ZCWPW1: variants seen among roughly 807,000 people sequenced by gnomAD.
ZCWPW1 encodes zinc finger CW-type and PWWP domain containing 1.
In ZCWPW1, 56 loss-of-function variants were observed where a neutral mutation model predicts 81.3. That is an observed-to-expected ratio of 0.69 (90% CI 0.56 to 0.86). The LOEUF is 0.86. Ranked by LOEUF, ZCWPW1 falls within the 40% of genes least tolerant of loss-of-function variation. ZCWPW1 has a pLI of 0.00. For synonymous variants in ZCWPW1, 250 were observed against 273.7 expected (o/e 0.91, Z 0.86); for missense variants, 650 against 769.8 (o/e 0.84, Z 1.84).
At chr7:100,426,365 G>A (rs552276840) in intron 1 of ZCWPW1, among the ~76,000 whole-genome samples, 3 of 151,958 alleles carry the variant, frequency 2.0e-5, no homozygotes, top group East Asian at 1.9e-4. Flanking sequence ...GGTGGCAGGC[G>A]CCTGTAATCT....
chr7:100,401,881 A>T lies in ZCWPW1; in HGVS notation c.1627+8T>A, dbSNP rs750883641. 1.2e-6 allele frequency: 2 copies of T among 1,607,384 alleles called. No homozygotes were observed. Among genetic ancestry groups the T allele is most frequent in the South Asian group, 2.2e-5 (2 of 90,124 alleles). ...TCCCCTTAGTTTTTCCCAGGCCTTG[A>T]GCCTTACCTGGCTGGTCAGAATCTG... On this transcript the variant is annotated splice_region_variant and intron_variant, in intron 17 of 17. Coordinates refer to ENST00000684423, the MANE Select transcript of ZCWPW1 (RefSeq NM_001386010.1).
chr7:100,417,222 A>AAT, intron 5 of ZCWPW1, 39 bp from the exon 6 acceptor site: 4 of 1,548,980 alleles, frequency 2.6e-6, no homozygotes, highest in Non-Finnish European at 1.8e-6. Context: ...AAGCAAAAAA[A>AAT]CGAAAAAGCC....
chr7:100,427,484 A>C (rs1797851373), intron 1 of ZCWPW1, among the ~76,000 whole-genome samples: 1 of 150,516 alleles, frequency 6.6e-6, no homozygotes, highest in Non-Finnish European at 1.5e-5. Context: ...CGGATCACCT[A>C]AGGTCAGGAG....
intron 5 of ZCWPW1, among the ~76,000 whole-genome samples, chr7:100,417,944 G>A (rs1795634509): frequency 6.6e-6 from 1 of 151,816 alleles, no homozygotes; most frequent in Non-Finnish European, 1.5e-5. Context: ...GAGTGAGGTG[G>A]CGAAATCTCG....
chr7:100,414,056 CTTTT>C (rs952744253), intron 8 of ZCWPW1, among the ~76,000 whole-genome samples: 2 of 152,174 alleles, frequency 1.3e-5, no homozygotes, highest in African/African-American at 4.8e-5. Context: ...TTTTAGTTTC[CTTTT>C]TGACTCTACC....
intron 10 of ZCWPW1, among the ~76,000 whole-genome samples, chr7:100,407,890 C>T (rs1793388786): frequency 1.3e-5 from 2 of 152,174 alleles, no homozygotes; most frequent in Non-Finnish European, 2.9e-5. Flanking sequence ...CTAGAGACAT[C>T]TCCAAAGAAG....
At chr7:100,428,257 A>G (rs1293733237) in intron 1 of ZCWPW1, among the ~76,000 whole-genome samples, 2 of 152,136 alleles carry the variant, frequency 1.3e-5, no homozygotes, top group African/African-American at 4.8e-5. Context: ...CCACCAAGAA[A>G]AGGCACGAGG....
intron 3 of ZCWPW1, 78 bp from the exon 4 acceptor site, chr7:100,419,961 C>G: frequency 8.3e-7 from 1 of 1,200,696 alleles, no homozygotes; most frequent in Non-Finnish European, 1.2e-6. Context: ...CTTTGACTAG[C>G]CATAACAGAA....
rs1321185609 is a variant in ZCWPW1, at chr7:100,419,160, A to T, written c.312T>A (p.Phe104Leu). Residue 104 changes from phenylalanine to leucine, a missense_variant, in exon 5 of 18, where the codon TTT (phenylalanine) becomes TTA (leucine). Transcript: ENST00000684423. ...KEKSSLTNAE[F>L]EEIVQIVLQK... ...GCAGAACAATCTGGACAATCTCCTCAAATTCTGCATTGGTAAGACTTGATT... is the reference window on the plus strand; with the variant it reads ...GCAGAACAATCTGGACAATCTCCTCTAATTCTGCATTGGTAAGACTTGATT... 1 of 1,613,188 alleles carries T rather than the reference A, an allele frequency of 6.2e-7. No homozygotes were observed. Among genetic ancestry groups the T allele is most frequent in the East Asian group, 2.2e-5 (1 of 44,776 alleles).
At chr7:100,406,881 G>A (rs769918256) in intron 11 of ZCWPW1, 83 bp from the exon 12 acceptor site, 31 of 1,265,902 alleles carry the variant, frequency 2.4e-5, no homozygotes, top group Non-Finnish European at 3.3e-5. Flanking sequence ...GGGAGAATGG[G>A]AATTCACCCA....
intron 2 of ZCWPW1, among the ~76,000 whole-genome samples, chr7:100,423,126 A>AT (rs1220745472): frequency 6.6e-6 from 1 of 152,192 alleles, no homozygotes; most frequent in Non-Finnish European, 1.5e-5. Flanking sequence ...CTTTCTACAG[A>AT]TAAAAAAAAT....
In ZCWPW1 at chr7:100,422,496, C is replaced by A. The variant is rs76923525; in HGVS notation, c.-29-1818G>T. 7.8e-4 allele frequency among the ~76,000 whole-genome samples: 119 copies of A among 152,288 alleles called. 1 individual carries two copies. The highest frequency in any genetic ancestry group is 2.7e-3 in the African/African-American group (114 of 41,546). On this transcript the variant is annotated intron_variant, in intron 2 of 17. Coordinates refer to ENST00000684423, the MANE Select transcript of ZCWPW1 (RefSeq NM_001386010.1). ...CCACCAGTGTGCCAAGACTCATCTGCGAACATTCCAGTATTTTTATTTTCC... is the reference window on the plus strand; with the variant it reads ...CCACCAGTGTGCCAAGACTCATCTGAGAACATTCCAGTATTTTTATTTTCC...
chr7:100,419,301 CATG>C, intron 4 of ZCWPW1, 112 bp from the exon 5 acceptor site: 1 of 911,092 alleles, frequency 1.1e-6, no homozygotes, highest in East Asian at 2.5e-5. Flanking sequence ...AGACGGAAGG[CATG>C]CAGTCAGCAT....
At chr7:100,410,783 A>G (rs1016837801) in intron 8 of ZCWPW1, among the ~76,000 whole-genome samples, 2 of 152,164 alleles carry the variant, frequency 1.3e-5, no homozygotes, top group Non-Finnish European at 2.9e-5. Context: ...TCACTTGCTC[A>G]AAGACTCCTA....
intron 12 of ZCWPW1, 104 bp from the exon 13 acceptor site, chr7:100,405,197 A>C (rs1465291910): frequency 1.9e-6 from 2 of 1,039,412 alleles, no homozygotes; most frequent in African/African-American, 3.2e-5. Flanking sequence ...TGGGAGGCCG[A>C]GTCAGGTAGA....
rs537494879 is a variant in ZCWPW1, at chr7:100,424,027, G to A, written c.-30+1003C>T. Among the ~76,000 whole-genome samples, 71 of 144,272 alleles carry A rather than the reference G, an allele frequency of 4.9e-4. 1 individual carries two copies. The highest frequency in any genetic ancestry group is 8.5e-4 in the Non-Finnish European group (57 of 67,148). The allele number at this position is 144,272 out of a possible 152,430, so 94.6% of individuals were successfully genotyped here. The stretch of plus-strand genomic sequence containing the variant: ...GGAGGTTGCAGTGAGCCAAGATCGC[G>A]CCATTGCACTCCAGCCTGGGCAACA... On this transcript the variant is annotated intron_variant, in intron 2 of 17. Transcript: ENST00000684423.
At position 100,416,401 on chromosome 7, in the gene ZCWPW1, G is replaced by C; in HGVS notation, c.535C>G (p.Pro179Ala). 6.2e-7 allele frequency: 1 copy of C among 1,614,076 alleles called. No individual in the cohort carries two copies. Among genetic ancestry groups the C allele is most frequent in the South Asian group, 1.1e-5 (1 of 91,078 alleles). The change falls in exon 7 of 18, where the codon CCT becomes GCT. Residue 179 changes from proline to alanine, a missense_variant. By Grantham distance (27) the Pro-to-Ala change is conservative (BLOSUM62 -1). Transcript: ENST00000684423. ...ISVSWEGEAA[P>A]EIRTSKLGQP... ...CCTAACTTAGATGTCCTTATCTCAG[G>C]GGCAGCTTCACCTTCCCAAGACACT...
At chr7:100,415,867 G>A in intron 8 of ZCWPW1, 108 bp downstream of exon 8, 1 of 1,396,884 alleles carries the variant, frequency 7.2e-7, no homozygotes, top group Non-Finnish European at 9.8e-7. Context: ...GCAGCTGTGA[G>A]AGATTGACTA....
intron 11 of ZCWPW1, 120 bp downstream of exon 11, chr7:100,407,108 G>C (rs977172914): frequency 5.3e-5 from 45 of 855,322 alleles, no homozygotes; most frequent in Non-Finnish European, 8.0e-5. Context: ...TCCTAGTTAA[G>C]TGTCTGTTTT....
Sources: gnomAD v4.1 joint callset for allele counts (sites outside exome capture counted in the v4.1 genomes callset) on GRCh38, gnomAD v4.1.1 for gene constraint, MANE v1.5 for transcripts, NCBI Gene and HGNC (gene_info 2026-07-23, HGNC 2026-07-21) for gene names.